The following FBXO17 variants were observed in gnomAD, a reference collection of about 807,000 sequenced individuals.
The protein encoded by FBXO17 is F-box protein 17, also known as F-box only protein 17.
A neutral mutation model predicts 34.1 loss-of-function variants in FBXO17; 43 were observed. That is an observed-to-expected ratio of 1.26 (90% CI 0.99 to 1.62). The LOEUF is 1.62. FBXO17 is among the 40% of genes most tolerant of loss of function. The pLI, the probability that FBXO17 is intolerant of heterozygous loss-of-function variation, is 0.00. For missense variants in FBXO17, 424 were observed against 386.7 expected, an observed-to-expected ratio of 1.10 and a Z score of -0.81; for synonymous variants, 169 against 166.0, an observed-to-expected ratio of 1.02 and a Z score of -0.14.
intron 1 of FBXO17, among the ~76,000 whole-genome samples, chr19:38,964,636 A>C (rs1277535103): frequency 6.6e-6 from 1 of 151,986 alleles, no homozygotes; most frequent in Non-Finnish European, 1.5e-5. Context: ...ACATGGTTGC[A>C]AGCGCCTGTA....
intron 5 of FBXO17, 169 bp downstream of exon 5, chr19:38,944,800 A>G (rs561396902): frequency 3.9e-5 from 35 of 897,966 alleles, no homozygotes; most frequent in Non-Finnish European, 3.4e-5. Context: ...AAATGAATCG[A>G]TATGTAAGCG....
At chr19:38,949,093 CTAATT>C (rs943992638) in intron 2 of FBXO17, among the ~76,000 whole-genome samples, 1 of 152,008 alleles carries the variant, frequency 6.6e-6, no homozygotes, top group Non-Finnish European at 1.5e-5. Context: ...CCACGCCTGG[CTAATT>C]TAATTTTTTA....
rs1292619934 is a variant in FBXO17, at chr19:38,950,113, G to C, written c.207C>G (p.Ala69=). Residue 69 remains alanine (A), a synonymous_variant, in exon 2 of 6, where the codon GCC becomes GCG. Coordinates refer to ENST00000292852, the MANE Select transcript of FBXO17 (RefSeq NM_024907.7). ...CCACTGCGTAGAGTGCGCGGCCCTC[G>C]GCGCTGCGGTCGCGGGCCAGCTGCA... ...WLLQLARDRS[A]EGRALYAVAQ... 1.3e-6 allele frequency: 2 copies of C among 1,561,882 alleles called. No homozygotes were observed. Among genetic ancestry groups the C allele is most frequent in the East Asian group, 4.8e-5 (2 of 41,632 alleles).
chr19:38,953,604 T>C (rs1440274636), intron 1 of FBXO17, among the ~76,000 whole-genome samples: 1 of 151,878 alleles, frequency 6.6e-6, no homozygotes, highest in Non-Finnish European at 1.5e-5. Context: ...GAGGTTGCAA[T>C]GAGCTGAGAT....
At chr19:38,943,837 G>A (rs1006403313) in intron 5 of FBXO17, among the ~76,000 whole-genome samples, 4 of 152,040 alleles carry the variant, frequency 2.6e-5, no homozygotes, top group Admixed American at 6.6e-5. Flanking sequence ...TGATCTGTCC[G>A]CCTTGACCTC....
rs1471670715 is a variant in FBXO17, at chr19:38,943,251, A to C, written c.694-500T>G. Among the ~76,000 whole-genome samples the C allele has an allele frequency of 3.3e-5, 5 of 151,694 alleles. No homozygotes were observed. The East Asian group carries it at 9.7e-4, about 29-fold the overall frequency. Reference sequence around the variant, plus strand: ...TTCCAATTTAAAAAAGTTGAGATAAAATTTTCGTAAAACAAACTTTTTATT... The same window carrying C: ...TTCCAATTTAAAAAAGTTGAGATAACATTTTCGTAAAACAAACTTTTTATT... On this transcript the variant is annotated intron_variant, in intron 5 of 5. Coordinates refer to ENST00000292852, the MANE Select transcript of FBXO17 (RefSeq NM_024907.7).
At chr19:38,962,296 T>C (rs985105937) in intron 1 of FBXO17, among the ~76,000 whole-genome samples, 10 of 152,168 alleles carry the variant, frequency 6.6e-5, no homozygotes, top group Admixed American at 3.3e-4. Flanking sequence ...TAGAGGGCGC[T>C]GGAGAGACGT....
chr19:38,949,666 T>C (rs557817118), intron 2 of FBXO17: 5 of 502,406 alleles, frequency 1.0e-5, no homozygotes, highest in African/African-American at 4.1e-5. Context: ...AGCGTTGCCA[T>C]TCCCACCGCG....
chr19:38,969,208 G>A (rs1473984938), intron 1 of FBXO17, among the ~76,000 whole-genome samples: 2 of 152,074 alleles, frequency 1.3e-5, no homozygotes, highest in East Asian at 3.9e-4. Flanking sequence ...CAGCACTTTG[G>A]GAGGCTAAGG....
At chr19:38,970,514 C>G (rs1975378450) in intron 1 of FBXO17, among the ~76,000 whole-genome samples, 1 of 152,116 alleles carries the variant, frequency 6.6e-6, no homozygotes, top group African/African-American at 2.4e-5. Context: ...GGCCCTTTCT[C>G]TCTTCGTGTG....
chr19:38,965,903 A>G lies in FBXO17; in HGVS notation c.-18+9683T>C, dbSNP rs149591614. 1.1e-4 allele frequency among the ~76,000 whole-genome samples: 16 copies of G among 152,232 alleles called. No individual in the cohort carries two copies. In the East Asian group the frequency reaches 3.1e-3, roughly 29 times the overall value. On this transcript the variant is annotated intron_variant, in intron 1 of 5. Coordinates refer to ENST00000292852, the MANE Select transcript of FBXO17 (RefSeq NM_024907.7). ...GCAATCTGCCCACCTCAGCCTCTCA[A>G]AATGCTGGAATTACAGGCATGAGCC...
intron 1 of FBXO17, chr19:38,952,453 T>G: frequency 2.0e-6 from 1 of 493,576 alleles, no homozygotes; most frequent in Non-Finnish European, 4.1e-6. Flanking sequence ...TTGCTCTAAC[T>G]GGAACCCAGC....
intron 1 of FBXO17, among the ~76,000 whole-genome samples, chr19:38,951,940 C>A (rs1033942042): frequency 1.3e-5 from 2 of 152,112 alleles, no homozygotes; most frequent in Non-Finnish European, 2.9e-5. Flanking sequence ...TGAGCCACCA[C>A]GCTCGGCCCG....
chr19:38,955,518 C>G (rs1975155525), intron 1 of FBXO17, among the ~76,000 whole-genome samples: 1 of 145,100 alleles, frequency 6.9e-6, no homozygotes, highest in Non-Finnish European at 1.5e-5. Context: ...GAGTCTCCCT[C>G]TGTCACCCAG....
intron 1 of FBXO17, among the ~76,000 whole-genome samples, chr19:38,951,202 TTTA>T (rs1279149327): frequency 1.3e-5 from 2 of 152,022 alleles, no homozygotes; most frequent in East Asian, 1.9e-4. Context: ...CCTCCTTATT[TTTA>T]TTATTATTAC....
At chr19:38,973,968 GT>G (rs1975423860) in intron 1 of FBXO17, among the ~76,000 whole-genome samples, 5 of 124,470 alleles carry the variant, frequency 4.0e-5, no homozygotes, top group Admixed American at 1.7e-4. Flanking sequence ...GGGCAACACA[GT>G]TTTGATTTGA....
At chr19:38,962,904 G>A (rs1975272513) in intron 1 of FBXO17, among the ~76,000 whole-genome samples, 1 of 151,924 alleles carries the variant, frequency 6.6e-6, no homozygotes. Context: ...TAGGGACGGG[G>A]TTTCACCATG....
chr19:38,975,179 G>A lies in FBXO17; in HGVS notation c.-18+407C>T, dbSNP rs1975444321. Among the ~76,000 whole-genome samples the A allele has an allele frequency of 6.6e-6, 1 of 152,224 alleles. No homozygotes were observed. Among genetic ancestry groups the A allele is most frequent in the Admixed American group, 6.5e-5 (1 of 15,274 alleles). On this transcript the variant is annotated intron_variant, in intron 1 of 5. Transcript: ENST00000292852. The surrounding 1 kb of genome is among the most constrained non-coding windows in gnomAD (Gnocchi z 4.9). The stretch of plus-strand genomic sequence containing the variant: ...GATTCACAGATTCTGCGAAGGGACT[G>A]ACGGCCAGAAGACAGAAAATCCAGC...
rs780857651 is a variant in FBXO17, at chr19:38,944,990, C to T, written c.672G>A (p.Trp224Ter). The T allele has an allele frequency of 6.2e-7, 1 of 1,614,202 alleles. No homozygotes were observed. Among genetic ancestry groups the T allele is most frequent in the Non-Finnish European group, 8.5e-7 (1 of 1,180,042 alleles). ...FSASPDPVLQ[W>*]TERGCRQVSH... is the part of the protein sequence containing the mutation. Reference sequence around the variant, plus strand: ...CCACCTGTCGGCAGCCCCTCTCAGTCCACTGAAGGACCGGGTCAGGTGAGG... The same window carrying T: ...CCACCTGTCGGCAGCCCCTCTCAGTTCACTGAAGGACCGGGTCAGGTGAGG... Residue 224 changes from tryptophan to a stop codon, truncating the protein, a stop_gained, in exon 5 of 6, where the codon TGG (tryptophan) becomes TGA (stop). Transcript: ENST00000292852. LOFTEE classifies it high-confidence loss of function.
Sources: gnomAD v4.1 joint callset for allele counts (sites outside exome capture counted in the v4.1 genomes callset) on GRCh38, gnomAD v4.1.1 for gene constraint, Gnocchi (gnomAD v3.1) non-coding constraint, MANE v1.5 for transcripts, NCBI Gene and HGNC (gene_info 2026-07-23, HGNC 2026-07-21) for gene names.